Variants in ROBO1 observed in about 807,000 individuals in gnomAD.
ROBO1 encodes roundabout guidance receptor 1.
In ROBO1, 149 loss-of-function variants were observed where a neutral mutation model predicts 195.9. The observed-to-expected ratio is 0.76, with a 90% CI of 0.67 to 0.87. The LOEUF (loss-of-function observed/expected upper bound fraction) is 0.87, where lower values mean the gene tolerates loss of function less well. Among genes scored for constraint, ROBO1 ranks in the 40% least tolerant of loss-of-function variants. The probability of loss-of-function intolerance (pLI) is 0.00; values close to 1 mark genes in which losing one functional copy is unlikely to be tolerated. For missense variants in ROBO1, 1,933 were observed against 2,068.3 expected, an observed-to-expected ratio of 0.93 and a Z score of 1.27; for synonymous variants, 816 against 733.2, an observed-to-expected ratio of 1.11 and a Z score of -1.82.
chr3:78,774,519 C>A (rs1269006402), intron 4 of ROBO1, among the ~76,000 whole-genome samples: 2 of 151,930 alleles, frequency 1.3e-5, no homozygotes, highest in Non-Finnish European at 2.9e-5. Flanking sequence ...ACTGTGTTAG[C>A]CAGGATGGTC....
At chr3:78,617,506 TAAAAA>T in intron 27 of ROBO1, 124 bp downstream of exon 27, 1 of 721,286 alleles carries the variant, frequency 1.4e-6, no homozygotes, top group South Asian at 3.2e-5. Context: ...CTTAGGCAGC[TAAAAA>T]AAAAAAAAAA....
rs551932250 is a variant in ROBO1 at position 79,737,346 on chromosome 3, C to T, written c.-51+30406G>A. Among the ~76,000 whole-genome samples, 173 of 152,118 alleles carry T rather than the reference C, an allele frequency of 1.1e-3. 1 individual carries two copies. The highest frequency in any genetic ancestry group is 4.0e-3 in the African/African-American group (168 of 41,510). ...GAGATTATGCCACCATCCATATTTC[C>T]CAAATATGCACGTTAGAATCCTCAA... On this transcript the variant is annotated intron_variant, in intron 1 of 30. Coordinates refer to ENST00000464233, the MANE Select transcript of ROBO1 (RefSeq NM_002941.4).
chr3:78,611,332 A>C (rs892895999), intron 28 of ROBO1, among the ~76,000 whole-genome samples: 1 of 152,224 alleles, frequency 6.6e-6, no homozygotes, highest in Non-Finnish European at 1.5e-5. Flanking sequence ...TTTTTAAATC[A>C]ACTATGTAAA....
chr3:78,864,715 C>T (rs2035060268), intron 4 of ROBO1, among the ~76,000 whole-genome samples: 1 of 151,314 alleles, frequency 6.6e-6, no homozygotes, highest in South Asian at 2.1e-4. Flanking sequence ...CATATATACA[C>T]ATGTGTGTAT....
At chr3:78,893,392 C>T (rs952645523) in intron 4 of ROBO1, among the ~76,000 whole-genome samples, 2 of 152,084 alleles carry the variant, frequency 1.3e-5, no homozygotes, top group African/African-American at 2.4e-5. Flanking sequence ...AATAAGGTGC[C>T]GTCTTGGAAA....
At chr3:79,552,193 C>G (rs559847526) in intron 2 of ROBO1, among the ~76,000 whole-genome samples, 1 of 151,816 alleles carries the variant, frequency 6.6e-6, no homozygotes, top group African/African-American at 2.4e-5. Flanking sequence ...GGCACACAGG[C>G]GACCTCTGCT....
At chr3:78,993,513 C>A (rs554535836) in intron 3 of ROBO1, among the ~76,000 whole-genome samples, 1 of 152,168 alleles carries the variant, frequency 6.6e-6, no homozygotes, top group South Asian at 2.1e-4. Context: ...GTAGTTGAAC[C>A]CAGTCAAATC....
rs201346911 is a variant in ROBO1 at position 78,957,318 on chromosome 3, C to G, written c.173-18391G>C. ...CAAGAATGCCAAAAAAAAAAAAAAA[C>G]CTTCAAAAAAACAAAAACAGTAAGT... On this transcript the variant is annotated intron_variant, in intron 3 of 30. Transcript: ENST00000464233. Among the ~76,000 whole-genome samples, 6 of 145,718 alleles carry G rather than the reference C, an allele frequency of 4.1e-5. No homozygotes were observed. In the East Asian group the frequency reaches 1.2e-3, roughly 29 times the overall value.
At chr3:78,804,082 G>A (rs1456884223) in intron 4 of ROBO1, among the ~76,000 whole-genome samples, 1 of 152,064 alleles carries the variant, frequency 6.6e-6, no homozygotes, top group Non-Finnish European at 1.5e-5. Flanking sequence ...AGATTTAACT[G>A]AAGCTAACAA....
chr3:78,860,326 A>AT lies in ROBO1; in HGVS notation c.499+78274dup, dbSNP rs1553750391. ...ACTATATATATATATATATATATATATTTTTTTTTTTTTACTCATAAGGTG... is the reference window on the plus strand; with the variant it reads ...ACTATATATATATATATATATATATATTTTTTTTTTTTTTACTCATAAGGTG... On this transcript the variant is annotated intron_variant, in intron 4 of 30. Coordinates refer to ENST00000464233, the MANE Select transcript of ROBO1 (RefSeq NM_002941.4). 5.7e-3 allele frequency among the ~76,000 whole-genome samples: 532 copies of AT among 93,504 alleles called. 4 individuals are homozygous for AT. Among genetic ancestry groups the AT allele is most frequent in the Non-Finnish European group, 6.6e-3 (330 of 50,190 alleles). The allele number at this position is 93,504 out of a possible 152,430, so 61.3% of individuals were successfully genotyped here. A position where few individuals can be genotyped will look rare whatever the true frequency, so the allele number is the denominator to read the frequency against.
At chr3:79,471,707 T>G (rs115552796) in intron 2 of ROBO1, among the ~76,000 whole-genome samples, 5,210 of 152,164 alleles carry the variant, frequency 0.034, 202 homozygotes, top group African/African-American at 0.098. Context: ...AATGATACAC[T>G]GGATAAAGAA....
chr3:79,754,569 G>A lies in ROBO1; in HGVS notation c.-51+13183C>T, dbSNP rs75949156. 8.1e-4 allele frequency among the ~76,000 whole-genome samples: 124 copies of A among 152,262 alleles called. No homozygotes were observed. The East Asian group carries it at 0.02, about 24-fold the overall frequency. ...GCGAATGACCGAGCATCTCAGCAAC[G>A]CTAGCTCCATGTCTATGTTCCCACT... is the stretch of plus-strand genomic sequence containing the variant. On this transcript the variant is annotated intron_variant, in intron 1 of 30. Coordinates refer to ENST00000464233, the MANE Select transcript of ROBO1 (RefSeq NM_002941.4).
intron 4 of ROBO1, among the ~76,000 whole-genome samples, chr3:78,874,863 C>T (rs2035750167): frequency 6.6e-6 from 1 of 151,808 alleles, no homozygotes; most frequent in Non-Finnish European, 1.5e-5. Flanking sequence ...ATAGTTACCT[C>T]AAAACAAATA....
At chr3:79,316,131 A>G (rs2109111410) in intron 2 of ROBO1, among the ~76,000 whole-genome samples, 1 of 152,304 alleles carries the variant, frequency 6.6e-6, no homozygotes, top group Middle Eastern at 3.4e-3. Flanking sequence ...TATGACTGAG[A>G]CAAGTCTTTA....
chr3:79,348,698 C>T (rs560512244), intron 2 of ROBO1, among the ~76,000 whole-genome samples: 2 of 152,294 alleles, frequency 1.3e-5, no homozygotes, highest in Admixed American at 6.5e-5. Flanking sequence ...CTGCATAGAA[C>T]ACTTTTCAGT....
At chr3:79,621,772 A>C (rs1490079604) in intron 1 of ROBO1, among the ~76,000 whole-genome samples, 1 of 152,226 alleles carries the variant, frequency 6.6e-6, no homozygotes, top group African/African-American at 2.4e-5. Flanking sequence ...GCATTTAAAC[A>C]TGAAAATATA....
At chr3:78,926,320 T>C (rs972715309) in intron 4 of ROBO1, among the ~76,000 whole-genome samples, 4 of 152,152 alleles carry the variant, frequency 2.6e-5, no homozygotes, top group African/African-American at 9.7e-5. Flanking sequence ...CTGATGAGAT[T>C]TGTACTTGCA....
intron 2 of ROBO1, among the ~76,000 whole-genome samples, chr3:79,448,286 T>C (rs2039332473): frequency 6.6e-6 from 1 of 152,166 alleles, no homozygotes; most frequent in Admixed American, 6.5e-5. Flanking sequence ...TATTCCAATA[T>C]AAGCATAATT....
intron 3 of ROBO1, among the ~76,000 whole-genome samples, chr3:78,959,340 A>G (rs2041220797): frequency 6.6e-6 from 1 of 152,226 alleles, no homozygotes; most frequent in Non-Finnish European, 1.5e-5. Flanking sequence ...GTTTTATTAT[A>G]AGAGTAGAAT....
Sources: gnomAD v4.1 joint callset for allele counts (sites outside exome capture counted in the v4.1 genomes callset) on GRCh38, gnomAD v4.1.1 for gene constraint, MANE v1.5 for transcripts, NCBI Gene and HGNC (gene_info 2026-07-23, HGNC 2026-07-21) for gene names.